Variants in ANKRD10 observed in about 807,000 individuals in gnomAD.
ANKRD10 encodes the protein ankyrin repeat domain-containing protein 10.
A neutral mutation model predicts 27.0 loss-of-function variants in ANKRD10; 14 were observed. The observed-to-expected ratio is 0.52, with a 90% CI of 0.34 to 0.81. The LOEUF (loss-of-function observed/expected upper bound fraction) is 0.81. ANKRD10 is among the 40% of genes least tolerant of loss of function. The pLI, the probability that ANKRD10 is intolerant of heterozygous loss-of-function variation, is 0.01. For synonymous variants in ANKRD10, 250 were observed against 224.5 expected, an observed-to-expected ratio of 1.11 and a Z score of -1.01; for missense variants, 493 against 544.0, an observed-to-expected ratio of 0.91 and a Z score of 0.93.
At chr13:110,905,491 T>A (rs2065505800) in intron 3 of ANKRD10, among the ~76,000 whole-genome samples, 1 of 152,252 alleles carries the variant, frequency 6.6e-6, no homozygotes, top group Admixed American at 6.5e-5. Context: ...AGGTCTTTAA[T>A]GTAAATAGTC....
chr13:110,903,531 A>G (rs1000007324), intron 3 of ANKRD10: 5 of 154,758 alleles, frequency 3.2e-5, no homozygotes, highest in African/African-American at 1.2e-4. Context: ...GTTATCTTAC[A>G]GATGCAACCT....
intron 3 of ANKRD10, among the ~76,000 whole-genome samples, chr13:110,902,679 A>T (rs766280974): frequency 6.6e-6 from 1 of 152,254 alleles, no homozygotes; most frequent in Admixed American, 6.5e-5. Context: ...TGGTTACCAC[A>T]GAATAAATGG....
chr13:110,899,397 G>GT (rs1378905949), intron 3 of ANKRD10, among the ~76,000 whole-genome samples: 1 of 152,200 alleles, frequency 6.6e-6, no homozygotes, highest in Non-Finnish European at 1.5e-5. Context: ...CCTAAAACGT[G>GT]TGTCTGTTCG....
At chr13:110,902,033 ACT>A (rs1430552291) in intron 3 of ANKRD10, among the ~76,000 whole-genome samples, 2 of 131,966 alleles carry the variant, frequency 1.5e-5, no homozygotes, top group Admixed American at 8.7e-5. Flanking sequence ...ACAAAGGGAG[ACT>A]CTGTCTCTTT....
Position 110,893,230 on chromosome 13 carries a change from G to A in ANKRD10, c.489C>T (p.Asp163=). The A allele has an allele frequency of 6.2e-7, 1 of 1,614,150 alleles. No homozygotes were observed. The highest frequency in any genetic ancestry group is 8.5e-7 in the Non-Finnish European group (1 of 1,180,004). The change falls in exon 4 of 6, where the codon GAC becomes GAT. Residue 163 remains aspartate (D), a synonymous_variant. Transcript: ENST00000267339. ...LRNASGLTAA[D]IAQTQGFQEC... ...CTTGGAAACCCTGGGTTTGTGCAAT[G>A]TCTGCTGCTGTCAGGCCACTGGCAT...
chr13:110,883,661 T>C (rs760461742), intron 5 of ANKRD10, 37 bp downstream of exon 5: 10 of 1,611,376 alleles, frequency 6.2e-6, no homozygotes, highest in African/African-American at 1.3e-5. Context: ...AACCATTGGA[T>C]TGTTGTTGCA....
At chr13:110,908,299 G>A (rs562422968) in intron 2 of ANKRD10, among the ~76,000 whole-genome samples, 37 of 152,156 alleles carry the variant, frequency 2.4e-4, no homozygotes, top group Non-Finnish European at 4.7e-4. Flanking sequence ...TGAAAGAGAA[G>A]GTTTGCTAAT....
At chr13:110,903,497 T>C (rs996299498) in intron 3 of ANKRD10, 5 of 154,772 alleles carry the variant, frequency 3.2e-5, no homozygotes, top group Non-Finnish European at 7.3e-5. Flanking sequence ...GAAAATTTAA[T>C]ACGATGCACA....
At chr13:110,907,079 C>CTTTTTTTT (rs1158701462) in intron 2 of ANKRD10, among the ~76,000 whole-genome samples, 110 of 264 alleles carry the variant, frequency 0.42, 54 homozygotes, top group African/African-American at 0.44. Flanking sequence ...AGCAACACTT[C>CTTTTTTTT]TTTTTTTTTT....
At chr13:110,904,530 AC>A (rs2065473328) in intron 3 of ANKRD10, among the ~76,000 whole-genome samples, 1 of 152,240 alleles carries the variant, frequency 6.6e-6, no homozygotes, top group African/African-American at 2.4e-5. Context: ...AAAAATATCA[AC>A]TTCTAATTAT....
At chr13:110,909,256 A>G (rs988480309) in intron 2 of ANKRD10, among the ~76,000 whole-genome samples, 3 of 152,214 alleles carry the variant, frequency 2.0e-5, no homozygotes, top group African/African-American at 7.2e-5. Context: ...ACTGCCATTC[A>G]TGGAATTATT....
intron 4 of ANKRD10, among the ~76,000 whole-genome samples, chr13:110,890,862 C>G (rs1333308903): frequency 6.6e-6 from 1 of 152,186 alleles, no homozygotes; most frequent in Non-Finnish European, 1.5e-5. Context: ...ACAAATCCTC[C>G]TTCTAAAGGA....
chr13:110,899,986 A>C (rs1237708050), intron 3 of ANKRD10, among the ~76,000 whole-genome samples: 1 of 152,178 alleles, frequency 6.6e-6, no homozygotes, highest in Non-Finnish European at 1.5e-5. Flanking sequence ...CAGAAGCAGG[A>C]GGATCACTTG....
chr13:110,880,327 T>G (rs1214817118), intron 5 of ANKRD10, among the ~76,000 whole-genome samples: 1 of 152,192 alleles, frequency 6.6e-6, no homozygotes, highest in Non-Finnish European at 1.5e-5. Flanking sequence ...GAAAATCATG[T>G]GTGTGTCAGT....
chr13:110,885,319 G>A (rs1037188852), intron 4 of ANKRD10, among the ~76,000 whole-genome samples: 1 of 152,100 alleles, frequency 6.6e-6, no homozygotes, highest in East Asian at 1.9e-4. Flanking sequence ...TTGGGAGGCC[G>A]AGGCGGGTGG....
intron 4 of ANKRD10, among the ~76,000 whole-genome samples, chr13:110,889,729 G>C (rs1566456314): frequency 6.6e-6 from 1 of 152,118 alleles, no homozygotes; most frequent in Non-Finnish European, 1.5e-5. Context: ...CTTTTTTAAA[G>C]GGTGAATTTT....
chr13:110,891,185 G>A (rs993822910), intron 4 of ANKRD10, among the ~76,000 whole-genome samples: 1 of 151,666 alleles, frequency 6.6e-6, no homozygotes, highest in Non-Finnish European at 1.5e-5. Flanking sequence ...GACATACAGG[G>A]ACAGACATGT....
chr13:110,879,721 C>T lies in ANKRD10; in HGVS notation c.1179G>A (p.Val393=), dbSNP rs1325310863. 2 of 1,614,202 alleles carry T rather than the reference C, an allele frequency of 1.2e-6. No homozygotes were observed. The highest frequency in any genetic ancestry group is 2.2e-5 in the South Asian group (2 of 91,078). The part of the protein sequence containing the change: ...TAESIPELNS[V]VEHSKSVKVQ... ...CCTTCACGGACTTGGAATGCTCGACCACACTGTTCAGTTCTGGGATGCTTT... is the reference window on the plus strand; with the variant it reads ...CCTTCACGGACTTGGAATGCTCGACTACACTGTTCAGTTCTGGGATGCTTT... Residue 393 remains valine, a synonymous_variant, in exon 6 of 6, where the codon GTG becomes GTA. Coordinates refer to ENST00000267339, the MANE Select transcript of ANKRD10 (RefSeq NM_017664.4).
chr13:110,888,171 CG>C (rs548187676), intron 4 of ANKRD10, among the ~76,000 whole-genome samples: 18 of 150,682 alleles, frequency 1.2e-4, no homozygotes, highest in African/African-American at 4.4e-4. Context: ...CTGGAAAGAC[CG>C]GGGGGGACTG....
Sources: allele counts gnomAD v4.1 joint callset (sites outside exome capture counted in the v4.1 genomes callset), GRCh38; gene constraint gnomAD v4.1.1; transcripts MANE v1.5; gene names NCBI Gene and HGNC (gene_info 2026-07-23, HGNC 2026-07-21).